The following SUSD4 variants were observed in gnomAD, a reference collection of about 807,000 sequenced individuals.
SUSD4 encodes the protein sushi domain containing 4.
In SUSD4, 41 loss-of-function variants were observed where a neutral mutation model predicts 50.5. That is an observed-to-expected ratio of 0.81 (90% CI 0.63 to 1.05). The LOEUF (loss-of-function observed/expected upper bound fraction) is 1.05, where lower values mean the gene tolerates loss of function less well. Among genes scored for constraint, SUSD4 ranks in the 50% least tolerant of loss-of-function variants. The pLI is 0.00. For synonymous variants in SUSD4, 257 were observed against 257.3 expected, an observed-to-expected ratio of 1.00 and a Z score of 0.01; for missense variants, 580 against 634.7, an observed-to-expected ratio of 0.91 and a Z score of 0.93.
intron 2 of SUSD4, among the ~76,000 whole-genome samples, chr1:223,307,407 T>C (rs1572025766): frequency 6.6e-6 from 1 of 152,378 alleles, no homozygotes; most frequent in South Asian, 2.1e-4. Flanking sequence ...AACAACCCCA[T>C]GAGATCAATG....
At chr1:223,239,834 A>T (rs962845020) in intron 5 of SUSD4, among the ~76,000 whole-genome samples, 1 of 152,130 alleles carries the variant, frequency 6.6e-6, no homozygotes, top group Non-Finnish European at 1.5e-5. Flanking sequence ...GAATAAGAAA[A>T]ATAAAAGTTT....
chr1:223,342,033 C>G (rs1667789834), intron 2 of SUSD4, among the ~76,000 whole-genome samples: 1 of 152,166 alleles, frequency 6.6e-6, no homozygotes, highest in South Asian at 2.1e-4. Context: ...CCAGACGAGT[C>G]TCCAAAAATA....
intron 2 of SUSD4, among the ~76,000 whole-genome samples, chr1:223,310,328 C>T (rs1026924663): frequency 2.6e-5 from 4 of 152,164 alleles, no homozygotes; most frequent in African/African-American, 9.7e-5. Flanking sequence ...TATATAAAAT[C>T]TCATAGCACG....
chr1:223,252,711 A>G (rs1333367526), intron 5 of SUSD4, among the ~76,000 whole-genome samples: 2 of 145,304 alleles, frequency 1.4e-5, no homozygotes, highest in East Asian at 4.0e-4. Context: ...GAATTTCCAT[A>G]TAATTGGCTT....
intron 3 of SUSD4, among the ~76,000 whole-genome samples, chr1:223,286,060 G>A (rs771749417): frequency 3.9e-5 from 6 of 152,196 alleles, no homozygotes; most frequent in Non-Finnish European, 7.4e-5. Context: ...ATGGGCAAAG[G>A]CCCACCTGGG....
chr1:223,286,248 T>C (rs532838444), intron 3 of SUSD4, among the ~76,000 whole-genome samples: 1 of 152,328 alleles, frequency 6.6e-6, no homozygotes, highest in East Asian at 1.9e-4. Flanking sequence ...CCCGAGTAGC[T>C]GGGACTACAG....
intron 2 of SUSD4, among the ~76,000 whole-genome samples, chr1:223,306,658 ATTT>A (rs946312542): frequency 2.0e-5 from 3 of 152,046 alleles, no homozygotes; most frequent in African/African-American, 7.2e-5. Flanking sequence ...TGCCTGGATA[ATTT>A]TTTATGTTTT....
intron 5 of SUSD4, among the ~76,000 whole-genome samples, chr1:223,230,080 G>C (rs1487147776): frequency 6.6e-6 from 1 of 152,146 alleles, no homozygotes. Flanking sequence ...TTCTACCCTA[G>C]GAGGACGCCT....
intron 5 of SUSD4, among the ~76,000 whole-genome samples, chr1:223,259,516 A>G (rs561103850): frequency 6.6e-6 from 1 of 152,346 alleles, no homozygotes; most frequent in Admixed American, 6.5e-5. Context: ...TCTGCTGTTG[A>G]AAGAGCTGCC....
intron 7 of SUSD4, 115 bp from the exon 8 acceptor site, chr1:223,223,746 C>T (rs1659301099): frequency 7.9e-7 from 1 of 1,266,998 alleles, no homozygotes; most frequent in Non-Finnish European, 1.1e-6. Context: ...CAGCAGAGTC[C>T]CGTATGGAGG....
At chr1:223,238,866 T>C (rs147979436) in intron 5 of SUSD4, among the ~76,000 whole-genome samples, 411 of 152,158 alleles carry the variant, frequency 2.7e-3, no homozygotes, top group Non-Finnish European at 4.4e-3. Context: ...ATTGATGGTG[T>C]TGAAATCAGT....
chr1:223,308,201 G>T (rs1256528414), intron 2 of SUSD4, among the ~76,000 whole-genome samples: 1 of 152,098 alleles, frequency 6.6e-6, no homozygotes, highest in African/African-American at 2.4e-5. Flanking sequence ...TTGGAGGTGG[G>T]GCCTGGTGGG....
At position 223,307,942 on chromosome 1, in the gene SUSD4, C is replaced by G. The variant is rs553161086; in HGVS notation, c.149-15291G>C. Among the ~76,000 whole-genome samples the G allele has an allele frequency of 3.3e-5, 5 of 152,298 alleles. No homozygotes were observed. The East Asian group carries it at 9.6e-4, about 29-fold the overall frequency. ...AGCCACCAATTCTGTTCTTTCCCCC[C>G]ATGCTGTCCTTGGACAACAACAGCT... On this transcript the variant is annotated intron_variant, in intron 2 of 8. Transcript: ENST00000366878.
chr1:223,280,169 C>T (rs1352118479), intron 3 of SUSD4, among the ~76,000 whole-genome samples: 1 of 152,196 alleles, frequency 6.6e-6, no homozygotes, highest in East Asian at 1.9e-4. Flanking sequence ...TAGGAAGAAA[C>T]TGCATCAACT....
chr1:223,338,640 A>C (rs1265237022), intron 2 of SUSD4, among the ~76,000 whole-genome samples: 1 of 152,208 alleles, frequency 6.6e-6, no homozygotes, highest in East Asian at 1.9e-4. Context: ...TAGCTGGAAG[A>C]GAGGCTGGAT....
chr1:223,286,531 C>T (rs763382281), intron 3 of SUSD4, among the ~76,000 whole-genome samples: 18 of 152,234 alleles, frequency 1.2e-4, no homozygotes, highest in Non-Finnish European at 2.1e-4. Context: ...GGATTACAGG[C>T]ATGAGCCACC....
chr1:223,266,730 G>A (rs995482648), intron 4 of SUSD4, among the ~76,000 whole-genome samples: 1 of 152,210 alleles, frequency 6.6e-6, no homozygotes, highest in African/African-American at 2.4e-5. Context: ...TTAGCTCCTG[G>A]ATCTATAGGT....
intron 2 of SUSD4, among the ~76,000 whole-genome samples, chr1:223,352,093 A>C (rs964840900): frequency 6.6e-6 from 1 of 152,196 alleles, no homozygotes; most frequent in Non-Finnish European, 1.5e-5. Context: ...ACCACACTAC[A>C]TGGAGGAAAT....
At chr1:223,357,312 G>A (rs1244148529) in intron 2 of SUSD4, among the ~76,000 whole-genome samples, 1 of 152,156 alleles carries the variant, frequency 6.6e-6, no homozygotes, top group Admixed American at 6.5e-5. Context: ...CCTTCTCTCA[G>A]GGCAGGGGGT....
Sources: allele counts gnomAD v4.1 joint callset (sites outside exome capture counted in the v4.1 genomes callset), GRCh38; gene constraint gnomAD v4.1.1; transcripts MANE v1.5; gene names NCBI Gene and HGNC (gene_info 2026-07-23, HGNC 2026-07-21).